Variants in COL4A5 observed in about 807,000 individuals in gnomAD.
The protein encoded by COL4A5 is collagen alpha-5(IV) chain.
A neutral mutation model predicts 130.2 loss-of-function variants in COL4A5; 26 were observed. The ratio of observed to expected loss-of-function variants is 0.20; its 90% CI spans 0.15 to 0.28. The LOEUF (loss-of-function observed/expected upper bound fraction) is 0.28. COL4A5 is among the 10% of genes least tolerant of loss of function. COL4A5 has a pLI of 1.00. For synonymous variants in COL4A5, 496 were observed against 439.6 expected, an observed-to-expected ratio of 1.13 and a Z score of -1.60; for missense variants, 1,131 against 1,344.3, an observed-to-expected ratio of 0.84 and a Z score of 2.48.
chrX:108,652,772 A>G (rs2067757741), intron 36 of COL4A5, among the ~76,000 whole-genome samples: 1 of 112,548 alleles, frequency 8.9e-6, no homozygotes, highest in Non-Finnish European at 1.9e-5. Context: ...GATACAACAC[A>G]GTGACCTTGA....
Position 108,507,080 on chromosome X carries a change from A to G in COL4A5, c.82-32666A>G, listed in dbSNP as rs191840861. Among the ~76,000 whole-genome samples the G allele has an allele frequency of 4.6e-5, 5 of 109,833 alleles. No individual in the cohort carries two copies. The East Asian group carries it at 1.2e-3, about 25-fold the overall frequency. ...GCCTACCAACAAAAAAAAGCCCAGG[A>G]CCAGGTGGATTCACAGCCGAATTCT... On this transcript the variant is annotated intron_variant, in intron 1 of 52. Coordinates refer to ENST00000328300, the MANE Select transcript of COL4A5 (RefSeq NM_033380.3).
At chrX:108,556,538 A>G (rs2065824727) in intron 2 of COL4A5, among the ~76,000 whole-genome samples, 1 of 111,798 alleles carries the variant, frequency 8.9e-6, no homozygotes, top group Non-Finnish European at 1.9e-5. Context: ...AATACGAATG[A>G]TATTTTTATG....
chrX:108,678,139 A>G (rs920346395), intron 44 of COL4A5, among the ~76,000 whole-genome samples: 1 of 108,211 alleles, frequency 9.2e-6, no homozygotes, highest in African/African-American at 3.6e-5. Context: ...TGTGCTTTCT[A>G]TGTTGGTTTG....
At chrX:108,549,766 C>T (rs1366419927) in intron 2 of COL4A5, among the ~76,000 whole-genome samples, 1 of 110,377 alleles carries the variant, frequency 9.1e-6, no homozygotes, top group African/African-American at 3.3e-5. Context: ...AAATAGAAAA[C>T]ACAGTCAAAA....
At chrX:108,670,148 T>G in intron 41 of COL4A5, 80 bp from the exon 42 acceptor site, 21 of 1,036,780 alleles carry the variant, frequency 2.0e-5, no homozygotes, top group Non-Finnish European at 2.6e-5. Flanking sequence ...TTTAGTTTCT[T>G]GATATTTCTA....
At chrX:108,640,340 A>G (rs1174728082) in intron 36 of COL4A5, among the ~76,000 whole-genome samples, 2 of 111,825 alleles carry the variant, frequency 1.8e-5, no homozygotes, top group Non-Finnish European at 1.9e-5. Flanking sequence ...AGAACAGTCA[A>G]TTTCATAGAG....
rs779800447 is a variant in COL4A5, at chrX:108,670,211, C to T, written c.3791-17C>T. On this transcript the variant is annotated splice_polypyrimidine_tract_variant and intron_variant, in intron 41 of 52. Transcript: ENST00000328300. ...AATGATGACATTGGGCCTTGGTGAA[C>T]TTTGATCCCTATCCAGGTCCTACAG... 2.5e-6 allele frequency: 3 copies of T among 1,209,760 alleles called. No homozygotes were observed. In the East Asian group the frequency reaches 8.9e-5, roughly 36 times the overall value.
intron 1 of COL4A5, among the ~76,000 whole-genome samples, chrX:108,453,485 A>G (rs1451177578): frequency 8.9e-6 from 1 of 111,757 alleles, no homozygotes; most frequent in African/African-American, 3.3e-5. Flanking sequence ...AATTCATAAT[A>G]TATGTTAACA....
chrX:108,502,243 A>G (rs936263621), intron 1 of COL4A5, among the ~76,000 whole-genome samples: 1 of 110,112 alleles, frequency 9.1e-6, no homozygotes, highest in Non-Finnish European at 1.9e-5. Flanking sequence ...CACATCAGGT[A>G]TGCTGGAAGG....
rs1308369523 is a variant in COL4A5 at position 108,646,473 on chromosome X, G to C, written c.3247-8858G>C. Among the ~76,000 whole-genome samples, 12 of 111,261 alleles carry C rather than the reference G, an allele frequency of 1.1e-4. No homozygotes were observed. In the Admixed American group the frequency reaches 1.1e-3, roughly 11 times the overall value. On this transcript the variant is annotated intron_variant, in intron 36 of 52. Coordinates refer to ENST00000328300, the MANE Select transcript of COL4A5 (RefSeq NM_033380.3). ...TTGTTTGAGTTCATTGTAGATTCTG[G>C]ATATTAGCCCTTTGTCAGATGAGTA...
chrX:108,504,009 G>A (rs2065103544), intron 1 of COL4A5, among the ~76,000 whole-genome samples: 1 of 112,184 alleles, frequency 8.9e-6, no homozygotes, highest in South Asian at 3.7e-4. Flanking sequence ...TAAGGCTACA[G>A]TAATCCAAAC....
At position 108,625,725 on chromosome X, in the gene COL4A5, C is replaced by T. The variant is rs767336156; in HGVS notation, c.3037C>T (p.Leu1013Phe). Reference sequence around the variant, plus strand: ...TCTAGGTCCCAAAGGTAACCCTGGTCTCCCTGGACAGCCAGGTCTTATAGG... The same window carrying T: ...TCTAGGTCCCAAAGGTAACCCTGGTTTCCCTGGACAGCCAGGTCTTATAGG... ...GPPGPKGNPG[L>F]PGQPGLIGPP... is the part of the protein sequence containing the mutation. Residue 1013 changes from leucine (L) to phenylalanine (F), a missense_variant, in exon 35 of 53, where the codon CTC (leucine) becomes TTC (phenylalanine). By Grantham distance (22) the Leu-to-Phe change is conservative. Transcript: ENST00000328300. 1.7e-6 allele frequency: 2 copies of T among 1,205,551 alleles called. No homozygotes were observed. Among genetic ancestry groups the T allele is most frequent in the South Asian group, 3.5e-5 (2 of 56,787 alleles).
chrX:108,635,832 T>C (rs746591676), intron 36 of COL4A5, among the ~76,000 whole-genome samples: 3 of 112,528 alleles, frequency 2.7e-5, no homozygotes, highest in Non-Finnish European at 5.6e-5. Context: ...GGAACATGGA[T>C]GCAGCTGGAG....
chrX:108,663,783 T>C (rs2068014976), intron 37 of COL4A5, among the ~76,000 whole-genome samples: 1 of 111,011 alleles, frequency 9.0e-6, no homozygotes, highest in Non-Finnish European at 1.9e-5. Context: ...AAGTCATTCA[T>C]AGATTCAAAG....
chrX:108,626,445 G>A, intron 36 of COL4A5, 96 bp downstream of exon 36: 1 of 1,170,349 alleles, frequency 8.5e-7, no homozygotes, highest in Non-Finnish European at 1.2e-6. Context: ...ACAAACTATA[G>A]AATGACATAG....
intron 1 of COL4A5, among the ~76,000 whole-genome samples, chrX:108,466,972 GGTT>G (rs765249727): frequency 1.8e-5 from 2 of 111,765 alleles, no homozygotes; most frequent in South Asian, 7.4e-4. Context: ...CTATTCTGTA[GGTT>G]GTTTTTTTCA....
At chrX:108,513,872 T>C (rs1418492523) in intron 1 of COL4A5, among the ~76,000 whole-genome samples, 1 of 112,037 alleles carries the variant, frequency 8.9e-6, no homozygotes, top group Non-Finnish European at 1.9e-5. Context: ...TTATGTTTTA[T>C]GTTTCTAATC....
chrX:108,515,607 A>G (rs773292086), intron 1 of COL4A5, among the ~76,000 whole-genome samples: 2 of 111,581 alleles, frequency 1.8e-5, no homozygotes, highest in Non-Finnish European at 3.8e-5. Flanking sequence ...ATAAAGTGAC[A>G]GTAGATTTTG....
At chrX:108,475,291 GTAGTAGTAGTAT>G (rs760352589) in intron 1 of COL4A5, among the ~76,000 whole-genome samples, 218 of 110,965 alleles carry the variant, frequency 2.0e-3, no homozygotes, top group African/African-American at 6.9e-3. Flanking sequence ...ATTTCTTGTA[GTAGTAGTAGTAT>G]TAGTAGTAGT....
Sources: allele counts gnomAD v4.1 joint callset (sites outside exome capture counted in the v4.1 genomes callset), GRCh38; gene constraint gnomAD v4.1.1; transcripts MANE v1.5; gene names NCBI Gene and HGNC (gene_info 2026-07-23, HGNC 2026-07-21).